IL1RAP: variants seen among roughly 807,000 people sequenced by gnomAD.
IL1RAP encodes the protein interleukin-1 receptor accessory protein.
A neutral mutation model predicts 60.7 loss-of-function variants in IL1RAP; 35 were observed. The ratio of observed to expected loss-of-function variants is 0.58; its 90% CI spans 0.44 to 0.76. IL1RAP has a LOEUF of 0.76. Among genes scored for constraint, IL1RAP ranks in the 30% least tolerant of loss-of-function variants. The pLI, the probability that IL1RAP is intolerant of heterozygous loss-of-function variation, is 0.00. For missense variants in IL1RAP, 572 were observed against 693.9 expected, an observed-to-expected ratio of 0.82 and a Z score of 1.97; for synonymous variants, 268 against 250.9, an observed-to-expected ratio of 1.07 and a Z score of -0.64.
chr3:190,544,130 T>C (rs1724176189), intron 1 of IL1RAP, among the ~76,000 whole-genome samples: 1 of 152,198 alleles, frequency 6.6e-6, no homozygotes, highest in East Asian at 1.9e-4. Context: ...TTGAAAATAA[T>C]AGCCCTTTTA....
rs866563362 is a variant in IL1RAP at position 190,650,550 on chromosome 3, C to T, written c.*1845C>T. Reference sequence around the variant, plus strand: ...TCGTAATTTAAGAAAGCCCTTATCCCGGTAACATGAATGTTGATGAACAAA... The same window carrying T: ...TCGTAATTTAAGAAAGCCCTTATCCTGGTAACATGAATGTTGATGAACAAA... On this transcript the variant is annotated 3_prime_UTR_variant, in exon 12 of 12. Transcript: ENST00000447382. 17 of 960,572 alleles carry T rather than the reference C, an allele frequency of 1.8e-5. No individual in the cohort carries two copies. Among genetic ancestry groups the T allele is most frequent in the Middle Eastern group, 5.3e-4 (1 of 1,888 alleles). 59.5% of individuals were successfully genotyped at this position (960,572 alleles called of 1,614,324 possible). A position where few individuals can be genotyped will look rare whatever the true frequency, so the allele number is the denominator to read the frequency against.
chr3:190,647,328 A>G (rs1455642465), intron 11 of IL1RAP, among the ~76,000 whole-genome samples: 1 of 152,188 alleles, frequency 6.6e-6, no homozygotes, highest in Non-Finnish European at 1.5e-5. Context: ...TCATAAAGGA[A>G]TATATCAAGA....
At chr3:190,578,025 A>G (rs1292960931) in intron 3 of IL1RAP, among the ~76,000 whole-genome samples, 3 of 152,244 alleles carry the variant, frequency 2.0e-5, no homozygotes, top group African/African-American at 7.2e-5. Flanking sequence ...GGGCATAAAC[A>G]TGGGAACAAT....
At position 190,648,873 on chromosome 3, in the gene IL1RAP, A is replaced by G; in HGVS notation, c.*168A>G. On this transcript the variant is annotated 3_prime_UTR_variant, in exon 12 of 12. Coordinates refer to ENST00000447382, the MANE Select transcript of IL1RAP (RefSeq NM_002182.4). The stretch of plus-strand genomic sequence containing the variant: ...GGCTGACTATTCTGCTTCCTCAGGC[A>G]ACACTAAAGTTTAGAAAGATATCAT... 1 of 1,409,836 alleles carries G rather than the reference A, an allele frequency of 7.1e-7. No individual in the cohort carries two copies. The highest frequency in any genetic ancestry group is 9.2e-7 in the Non-Finnish European group (1 of 1,084,366). The allele number at this position is 1,409,836 out of a possible 1,614,324, so 87.3% of individuals were successfully genotyped here.
chr3:190,590,337 C>A (rs1396685434), intron 3 of IL1RAP, among the ~76,000 whole-genome samples: 1 of 151,692 alleles, frequency 6.6e-6, no homozygotes, highest in Non-Finnish European at 1.5e-5. Flanking sequence ...CTCACTGCAA[C>A]CTCTACCTCC....
chr3:190,529,633 C>T (rs1170816036), intron 1 of IL1RAP, among the ~76,000 whole-genome samples: 3 of 147,252 alleles, frequency 2.0e-5, no homozygotes, highest in African/African-American at 7.6e-5. Flanking sequence ...TGCAGTGAGC[C>T]GAGATCGCGC....
At chr3:190,595,567 A>T (rs1729307659) in intron 3 of IL1RAP, among the ~76,000 whole-genome samples, 1 of 152,320 alleles carries the variant, frequency 6.6e-6, no homozygotes, top group East Asian at 1.9e-4. Context: ...TAGCAAAACT[A>T]CCAAAATTAA....
At chr3:190,597,834 A>G (rs776967169) in intron 3 of IL1RAP, among the ~76,000 whole-genome samples, 1 of 152,136 alleles carries the variant, frequency 6.6e-6, no homozygotes, top group Non-Finnish European at 1.5e-5. Flanking sequence ...CCCAATCGGC[A>G]TTCTCCTACT....
intron 1 of IL1RAP, among the ~76,000 whole-genome samples, chr3:190,529,677 G>A (rs1332789152): frequency 5.3e-5 from 6 of 112,376 alleles, no homozygotes; most frequent in Admixed American, 2.8e-4. Flanking sequence ...GAGCTAGACT[G>A]TCTCAAAAGA....
intron 7 of IL1RAP, among the ~76,000 whole-genome samples, chr3:190,626,446 T>A (rs995430399): frequency 3.9e-5 from 6 of 152,152 alleles, no homozygotes; most frequent in Admixed American, 3.3e-4. Flanking sequence ...TTTTCTATTT[T>A]TAAGTTATCT....
At chr3:190,652,070 T>TA (rs568966353), downstream of IL1RAP, among the ~76,000 whole-genome samples, 117 of 152,336 alleles carry the variant, frequency 7.7e-4, 1 homozygote, top group Non-Finnish European at 1.4e-3. Flanking sequence ...GCATTTCTGT[T>TA]ACAAATTTTG....
chr3:190,644,666 G>T (rs1733886162), intron 10 of IL1RAP, among the ~76,000 whole-genome samples: 1 of 152,080 alleles, frequency 6.6e-6, no homozygotes, highest in Non-Finnish European at 1.5e-5. Context: ...AAATTTCCCA[G>T]TGACCACATT....
intron 1 of IL1RAP, among the ~76,000 whole-genome samples, chr3:190,534,023 A>T (rs983359906): frequency 5.3e-5 from 8 of 152,106 alleles, no homozygotes; most frequent in Admixed American, 5.2e-4. Context: ...CTGCTAGTCA[A>T]ATATGATAAT....
intron 2 of IL1RAP, chr3:190,564,060 A>T (rs1726148703): frequency 1.9e-6 from 1 of 513,704 alleles, no homozygotes; most frequent in Non-Finnish European, 3.5e-6. Context: ...CCTGTGTATT[A>T]AACTTCTTTA....
chr3:190,585,713 G>T (rs1728394609), intron 3 of IL1RAP, among the ~76,000 whole-genome samples: 3 of 152,054 alleles, frequency 2.0e-5, no homozygotes, highest in Admixed American at 1.3e-4. Flanking sequence ...TTGGGAGGGT[G>T]AGGTAGGAGA....
chr3:190,603,139 C>T (rs1730005673), intron 3 of IL1RAP, among the ~76,000 whole-genome samples: 2 of 152,046 alleles, frequency 1.3e-5, no homozygotes, highest in Non-Finnish European at 2.9e-5. Context: ...GTAAGATAGA[C>T]TCTTGATTGG....
In IL1RAP at chr3:190,571,743, T is replaced by C. The variant is rs1178032127; in HGVS notation, c.64+7390T>C. Reference sequence around the variant, plus strand: ...CTGTTATCACTTTAAAGCAAGCTTGTCCAACCCGTGGCCCGCGGGCCACAT... The same window carrying C: ...CTGTTATCACTTTAAAGCAAGCTTGCCCAACCCGTGGCCCGCGGGCCACAT... On this transcript the variant is annotated intron_variant, in intron 3 of 11. Transcript: ENST00000447382. 2.6e-5 allele frequency among the ~76,000 whole-genome samples: 4 copies of C among 152,180 alleles called. No homozygotes were observed. The East Asian group carries it at 7.7e-4, about 29-fold the overall frequency.
chr3:190,639,005 C>T (rs1733446126), intron 9 of IL1RAP, among the ~76,000 whole-genome samples: 1 of 151,826 alleles, frequency 6.6e-6, no homozygotes, highest in African/African-American at 2.4e-5. Flanking sequence ...TATTTTTGTG[C>T]CCTTTATGTA....
intron 2 of IL1RAP, among the ~76,000 whole-genome samples, chr3:190,558,215 T>C (rs144445301): frequency 6.6e-6 from 1 of 152,210 alleles, no homozygotes; most frequent in Non-Finnish European, 1.5e-5. Flanking sequence ...TGTTTCCAGC[T>C]TTAGGCAATT....
Sources: allele counts gnomAD v4.1 joint callset (sites outside exome capture counted in the v4.1 genomes callset), GRCh38; gene constraint gnomAD v4.1.1; transcripts MANE v1.5; gene names NCBI Gene and HGNC (gene_info 2026-07-23, HGNC 2026-07-21).